Variants in STXBP4 observed in about 807,000 individuals in gnomAD.
STXBP4 encodes syntaxin-binding protein 4.
A neutral mutation model predicts 76.1 loss-of-function variants in STXBP4; 55 were observed. The ratio of observed to expected loss-of-function variants is 0.72; its 90% CI spans 0.58 to 0.91. STXBP4 has a LOEUF of 0.91. Ranked by LOEUF, STXBP4 falls within the 40% of genes least tolerant of loss-of-function variation. STXBP4 has a pLI of 0.00. For synonymous variants in STXBP4, 201 were observed against 220.2 expected, an observed-to-expected ratio of 0.91 and a Z score of 0.77; for missense variants, 618 against 636.9, an observed-to-expected ratio of 0.97 and a Z score of 0.32.
chr17:55,037,319 T>C (rs1438530350), intron 10 of STXBP4, among the ~76,000 whole-genome samples: 2 of 152,164 alleles, frequency 1.3e-5, no homozygotes, highest in Non-Finnish European at 2.9e-5. Context: ...GGTTGGGTAG[T>C]TTACAACAAG....
At chr17:55,212,288 G>C in the STXBP4 span, among the ~76,000 whole-genome samples, 1 of 152,168 alleles carries the variant, frequency 6.6e-6, no homozygotes, top group Non-Finnish European at 1.5e-5. Context: ...ATCATTCATA[G>C]TCTCTTTCCA....
the STXBP4 span, among the ~76,000 whole-genome samples, chr17:55,192,276 C>G: frequency 6.6e-6 from 1 of 152,066 alleles, no homozygotes; most frequent in Non-Finnish European, 1.5e-5. Flanking sequence ...ATACTACATC[C>G]CAGAAGTAAA....
rs1411915242 is a variant in STXBP4 at position 55,160,289 on chromosome 17, A to G, written c.*378A>G. 1 of 153,568 alleles carries G rather than the reference A, an allele frequency of 6.5e-6. No homozygotes were observed. Among genetic ancestry groups the G allele is most frequent in the African/African-American group, 2.4e-5 (1 of 41,496 alleles). 9.5% of individuals were successfully genotyped at this position (153,568 alleles called of 1,614,324 possible). A position where few individuals can be genotyped will look rare whatever the true frequency, so the allele number is the denominator to read the frequency against. ...CATATTGAAAAAGTATATGAACATA[A>G]TGAAACACCTCATTTATTTGATAAT... On this transcript the variant is annotated 3_prime_UTR_variant, in exon 18 of 18. Transcript: ENST00000376352.
intron 10 of STXBP4, among the ~76,000 whole-genome samples, chr17:55,038,165 A>T (rs931341320): frequency 6.6e-6 from 1 of 151,772 alleles, no homozygotes. Flanking sequence ...TTCTTAATTT[A>T]TTTTTTTAAA....
intron 4 of STXBP4, among the ~76,000 whole-genome samples, chr17:54,992,113 C>T (rs1037825939): frequency 7.2e-5 from 11 of 152,002 alleles, no homozygotes; most frequent in South Asian, 2.1e-4. Context: ...ATATACTTTC[C>T]GAGTTCTAAG....
the STXBP4 span, among the ~76,000 whole-genome samples, chr17:55,185,248 TCTC>T: frequency 0.032 from 1,392 of 43,006 alleles, 79 homozygotes; most frequent in African/African-American, 0.11. Flanking sequence ...TTCTTCTTCT[TCTC>T]CTTCTCCTTC....
At chr17:55,057,662 G>T (rs1481315266) in intron 12 of STXBP4, among the ~76,000 whole-genome samples, 1 of 152,046 alleles carries the variant, frequency 6.6e-6, no homozygotes, top group Admixed American at 6.6e-5. Context: ...TAGGTTTTAA[G>T]CCTTGCATGC....
intron 12 of STXBP4, among the ~76,000 whole-genome samples, chr17:55,059,368 T>C (rs2078969148): frequency 6.6e-6 from 1 of 152,176 alleles, no homozygotes; most frequent in South Asian, 2.1e-4. Context: ...CTCATGTGCC[T>C]GACACAGACA....
intron 10 of STXBP4, among the ~76,000 whole-genome samples, chr17:55,041,318 C>G (rs1156867235): frequency 6.6e-6 from 1 of 150,488 alleles, no homozygotes; most frequent in African/African-American, 2.4e-5. Context: ...GCAGCCTTGA[C>G]CTCCCCACCC....
At chr17:55,145,318 G>C (rs1259495140) in intron 17 of STXBP4, among the ~76,000 whole-genome samples, 2 of 152,136 alleles carry the variant, frequency 1.3e-5, no homozygotes, top group Non-Finnish European at 2.9e-5. Flanking sequence ...GAAATAATAA[G>C]TAATGGACTC....
chr17:55,110,736 CTT>C (rs1035940185), intron 16 of STXBP4, among the ~76,000 whole-genome samples: 17 of 152,150 alleles, frequency 1.1e-4, no homozygotes, highest in African/African-American at 4.1e-4. Flanking sequence ...TCCAATAAAA[CTT>C]TGATTCTAAG....
intron 1 of STXBP4, among the ~76,000 whole-genome samples, chr17:54,969,593 A>G (rs762822373): frequency 5.6e-4 from 86 of 152,216 alleles, no homozygotes; most frequent in Non-Finnish European, 7.2e-4. Context: ...AACGTCTTTC[A>G]TGATGACTGA....
intron 16 of STXBP4, among the ~76,000 whole-genome samples, chr17:55,138,730 T>C (rs2080062654): frequency 6.6e-6 from 1 of 152,126 alleles, no homozygotes; most frequent in Non-Finnish European, 1.5e-5. Flanking sequence ...ATTTAGATAA[T>C]GTTAGTCATA....
At chr17:55,211,013 G>A in the STXBP4 span, among the ~76,000 whole-genome samples, 64 of 152,182 alleles carry the variant, frequency 4.2e-4, no homozygotes, top group African/African-American at 1.5e-3. Context: ...GACCAGCTAT[G>A]TCTTTAAACT....
rs768111065 is a variant in STXBP4, at chr17:55,078,059, T to A, written c.1189-19T>A. 6.6e-7 allele frequency: 1 copy of A among 1,508,112 alleles called. No individual in the cohort carries two copies. The highest frequency in any genetic ancestry group is 1.4e-5 in the African/African-American group (1 of 71,156). 93.4% of individuals were successfully genotyped at this position (1,508,112 alleles called of 1,614,324 possible). A position where few individuals can be genotyped will look rare whatever the true frequency, so the allele number is the denominator to read the frequency against. ...AACTGAAGAAATGTGTAAATGCTCC[T>A]TTTGATATCTCTGTGCAGGAAAGTG... On this transcript the variant is annotated intron_variant, in intron 13 of 17. Coordinates refer to ENST00000376352, the MANE Select transcript of STXBP4 (RefSeq NM_178509.6).
intron 17 of STXBP4, among the ~76,000 whole-genome samples, chr17:55,145,647 G>C (rs986673457): frequency 6.6e-6 from 1 of 152,122 alleles, no homozygotes; most frequent in South Asian, 2.1e-4. Context: ...ATTTTACCTA[G>C]GATGAACAAA....
chr17:55,007,935 A>G (rs1180229064), intron 8 of STXBP4, among the ~76,000 whole-genome samples: 2 of 152,214 alleles, frequency 1.3e-5, no homozygotes, highest in Non-Finnish European at 2.9e-5. Flanking sequence ...GAGGCTTCAT[A>G]ATGGCAATAA....
rs1407280531 is a variant in STXBP4, at chr17:55,172,593, T to G, written c.*12682T>G. On this transcript the variant is annotated 3_prime_UTR_variant, in exon 18 of 18. Transcript: ENST00000376352. ...AAATTTGAAGACTGTCCCTAAGTCA[T>G]TTCTTCTAAAAGTTAGTAATAATCC... The G allele has an allele frequency of 6.6e-6, 1 of 152,248 alleles. No homozygotes were observed. The highest frequency in any genetic ancestry group is 2.4e-5 in the African/African-American group (1 of 41,474). 9.4% of individuals were successfully genotyped at this position (152,248 alleles called of 1,614,324 possible).
intron 16 of STXBP4, among the ~76,000 whole-genome samples, chr17:55,118,504 T>A (rs1443200555): frequency 6.6e-6 from 1 of 152,020 alleles, no homozygotes; most frequent in South Asian, 2.1e-4. Flanking sequence ...CTGTGAAACA[T>A]TTAAGTCAAG....
Sources: allele counts gnomAD v4.1 joint callset (sites outside exome capture counted in the v4.1 genomes callset), GRCh38; gene constraint gnomAD v4.1.1; transcripts MANE v1.5; gene names NCBI Gene and HGNC (gene_info 2026-07-23, HGNC 2026-07-21).